KIAA1549L: variants seen among roughly 807,000 people sequenced by gnomAD.
The protein encoded by KIAA1549L is KIAA1549 like.
In KIAA1549L, 88 loss-of-function variants were observed where a neutral mutation model predicts 160.7. The ratio of observed to expected loss-of-function variants is 0.55; its 90% CI spans 0.46 to 0.65. The LOEUF is 0.65. Among genes scored for constraint, KIAA1549L ranks in the 30% least tolerant of loss-of-function variants. The pLI, the probability that KIAA1549L is intolerant of heterozygous loss-of-function variation, is 0.00. For missense variants in KIAA1549L, 2,258 were observed against 2,437.5 expected (o/e 0.93, Z 1.55); for synonymous variants, 950 against 976.7 (o/e 0.97, Z 0.51).
intron 8 of KIAA1549L, 105 bp from the exon 9 acceptor site, chr11:33,567,971 A>C: frequency 2.5e-6 from 3 of 1,205,690 alleles, no homozygotes; most frequent in Middle Eastern, 2.9e-4. Flanking sequence ...ATGAGGTAGG[A>C]CACAGTGGCC....
intron 1 of KIAA1549L, among the ~76,000 whole-genome samples, chr11:33,434,971 T>C (rs1851325006): frequency 6.6e-6 from 1 of 152,238 alleles, no homozygotes; most frequent in African/African-American, 2.4e-5. Context: ...GTGATGATCA[T>C]TGATGAATTG....
chr11:33,570,004 CTCT>C (rs1213302012), intron 9 of KIAA1549L, among the ~76,000 whole-genome samples: 2 of 46,466 alleles, frequency 4.3e-5, no homozygotes, highest in Admixed American at 4.0e-4. Context: ...CTCTCTCTCT[CTCT>C]TTTTTTTTTT....
chr11:33,459,873 A>G (rs960060909), intron 1 of KIAA1549L, among the ~76,000 whole-genome samples: 11 of 145,374 alleles, frequency 7.6e-5, no homozygotes, highest in Admixed American at 2.8e-4. Flanking sequence ...AGGCAGGAGA[A>G]TGGCGTGAAC....
At chr11:33,528,339 T>G (rs922997885) in intron 1 of KIAA1549L, among the ~76,000 whole-genome samples, 1 of 152,194 alleles carries the variant, frequency 6.6e-6, no homozygotes, top group Admixed American at 6.5e-5. Context: ...AATGTTGGTA[T>G]GGATGTGGTG....
At chr11:33,594,119 C>G (rs895111170) in intron 12 of KIAA1549L, among the ~76,000 whole-genome samples, 1 of 152,052 alleles carries the variant, frequency 6.6e-6, no homozygotes, top group Non-Finnish European at 1.5e-5. Flanking sequence ...TCGTCTGTAT[C>G]AATTACCCAC....
At chr11:33,426,024 A>G (rs967475574) in intron 1 of KIAA1549L, among the ~76,000 whole-genome samples, 3 of 152,224 alleles carry the variant, frequency 2.0e-5, no homozygotes, top group Non-Finnish European at 4.4e-5. Flanking sequence ...AGATTGGTGG[A>G]GGCTAAGGAG....
In KIAA1549L at chr11:33,668,143, T is replaced by A. The variant is rs1286037820; in HGVS notation, c.6430T>A (p.Phe2144Ile). ...LAKKQTDMFEFQV is the reference protein window; with the variant it reads ...LAKKQTDMFEIQV Reference sequence around the variant, plus strand: ...CAAAAAACAGACAGACATGTTTGAGTTCCAGGTCTAACGCCTTAGCCCCGT... The same window carrying A: ...CAAAAAACAGACAGACATGTTTGAGATCCAGGTCTAACGCCTTAGCCCCGT... Residue 2144 changes from phenylalanine to isoleucine, a missense_variant, in exon 21 of 21, where the codon TTC becomes ATC. By Grantham distance (21) the Phe-to-Ile change is conservative (BLOSUM62 0). Transcript: ENST00000658780. The A allele has an allele frequency of 1.2e-6, 2 of 1,613,330 alleles. No individual in the cohort carries two copies. Among genetic ancestry groups the A allele is most frequent in the South Asian group, 2.2e-5 (2 of 90,846 alleles).
chr11:33,538,795 C>T (rs947703214), intron 1 of KIAA1549L, among the ~76,000 whole-genome samples: 2 of 152,054 alleles, frequency 1.3e-5, no homozygotes, highest in Non-Finnish European at 2.9e-5. Flanking sequence ...TAAGTATGAA[C>T]TATTCTTCTA....
chr11:33,656,681 T>G (rs1027673942), intron 18 of KIAA1549L, among the ~76,000 whole-genome samples: 1 of 152,220 alleles, frequency 6.6e-6, no homozygotes, highest in African/African-American at 2.4e-5. Flanking sequence ...GCTAGAACTG[T>G]GCCCTGGGGT....
chr11:33,534,947 G>C (rs577869628), intron 1 of KIAA1549L, among the ~76,000 whole-genome samples: 4 of 152,152 alleles, frequency 2.6e-5, no homozygotes, highest in Non-Finnish European at 4.4e-5. Context: ...CACAAGCTTT[G>C]TGGCTTAAAA....
chr11:33,377,570 C>T (rs1590208151), intron 1 of KIAA1549L, among the ~76,000 whole-genome samples: 1 of 152,208 alleles, frequency 6.6e-6, no homozygotes, highest in African/African-American at 2.4e-5. Context: ...GATTTTTCTG[C>T]TAAGTGTGCT....
chr11:33,396,027 T>C (rs1850366561), intron 1 of KIAA1549L, among the ~76,000 whole-genome samples: 2 of 152,154 alleles, frequency 1.3e-5, no homozygotes, highest in South Asian at 4.1e-4. Flanking sequence ...TTGTATTTTT[T>C]TCTTTCCCCA....
At chr11:33,621,798 A>T (rs1850964877) in intron 16 of KIAA1549L, among the ~76,000 whole-genome samples, 1 of 152,220 alleles carries the variant, frequency 6.6e-6, no homozygotes, top group Non-Finnish European at 1.5e-5. Flanking sequence ...TCATTAAATC[A>T]TCCCCCAGAA....
At chr11:33,433,426 A>G (rs1345319943) in intron 1 of KIAA1549L, among the ~76,000 whole-genome samples, 1 of 152,154 alleles carries the variant, frequency 6.6e-6, no homozygotes, top group African/African-American at 2.4e-5. Flanking sequence ...GATTATTAAA[A>G]AGTCAGGAAA....
intron 9 of KIAA1549L, among the ~76,000 whole-genome samples, chr11:33,573,305 A>G (rs901730918): frequency 1.3e-5 from 2 of 152,048 alleles, no homozygotes; most frequent in East Asian, 1.9e-4. Context: ...CCCTCTTCAG[A>G]GTTTAGAGTG....
At chr11:33,505,182 A>C (rs1853051559) in intron 1 of KIAA1549L, among the ~76,000 whole-genome samples, 1 of 152,208 alleles carries the variant, frequency 6.6e-6, no homozygotes, top group Non-Finnish European at 1.5e-5. Context: ...TCTGTCATAC[A>C]TCCTCACATC....
At chr11:33,483,852 CCT>C (rs1337289485) in intron 1 of KIAA1549L, among the ~76,000 whole-genome samples, 3 of 152,204 alleles carry the variant, frequency 2.0e-5, no homozygotes, top group Non-Finnish European at 4.4e-5. Context: ...GTCCATTAAA[CCT>C]CTTTTTCTTT....
intron 1 of KIAA1549L, among the ~76,000 whole-genome samples, chr11:33,459,817 C>T (rs953573505): frequency 3.3e-5 from 5 of 150,216 alleles, no homozygotes; most frequent in African/African-American, 7.4e-5. Context: ...AAAAATTAGC[C>T]GGGCGTAGTG....
chr11:33,518,132 C>A (rs2133119128), intron 1 of KIAA1549L, among the ~76,000 whole-genome samples: 1 of 67,236 alleles, frequency 1.5e-5, no homozygotes, highest in South Asian at 5.7e-4. Flanking sequence ...GAGCAAGACT[C>A]TGTCTCAAAA....
Sources: allele counts gnomAD v4.1 joint callset (sites outside exome capture counted in the v4.1 genomes callset), GRCh38; gene constraint gnomAD v4.1.1; transcripts MANE v1.5; gene names NCBI Gene and HGNC (gene_info 2026-07-23, HGNC 2026-07-21).